SYT1: variants seen among roughly 807,000 people sequenced by gnomAD.
SYT1 encodes synaptotagmin-1.
A neutral mutation model predicts 44.8 loss-of-function variants in SYT1; 8 were observed. The ratio of observed to expected loss-of-function variants is 0.18; its 90% CI spans 0.10 to 0.32. The LOEUF is 0.32. Ranked by LOEUF, SYT1 falls within the 10% of genes least tolerant of loss-of-function variation. The probability of loss-of-function intolerance (pLI) is 1.00; values close to 1 mark genes in which losing one functional copy is unlikely to be tolerated. For synonymous variants in SYT1, 154 were observed against 188.8 expected, an observed-to-expected ratio of 0.82 and a Z score of 1.51; for missense variants, 286 against 509.3, an observed-to-expected ratio of 0.56 and a Z score of 4.22.
At chr12:79,156,487 TTA>T in intron 3 of SYT1, among the ~76,000 whole-genome samples, 1 of 152,046 alleles carries the variant, frequency 6.6e-6, no homozygotes, top group African/African-American at 2.4e-5. Flanking sequence ...GTTGTTGTTG[TTA>T]TGGAGTCTCG....
At chr12:79,230,716 C>A (rs1875819308) in intron 4 of SYT1, among the ~76,000 whole-genome samples, 1 of 152,120 alleles carries the variant, frequency 6.6e-6, no homozygotes, top group Non-Finnish European at 1.5e-5. Context: ...TTTTTATAAA[C>A]TTCCAAAGCA....
intron 3 of SYT1, among the ~76,000 whole-genome samples, chr12:79,165,332 T>G (rs1465128507): frequency 6.6e-6 from 1 of 152,108 alleles, no homozygotes; most frequent in East Asian, 1.9e-4. Context: ...TATTACATAT[T>G]TGTAGCTTGA....
intron 9 of SYT1, among the ~76,000 whole-genome samples, chr12:79,442,014 G>A (rs767563134): frequency 2.3e-4 from 35 of 152,244 alleles, no homozygotes; most frequent in South Asian, 8.3e-4. Context: ...ATCTTGTTGG[G>A]TTTTAATTTG....
intron 1 of SYT1, among the ~76,000 whole-genome samples, chr12:78,945,733 G>A (rs11112002): frequency 0.15 from 23,093 of 151,898 alleles, 2,067 homozygotes; most frequent in East Asian, 0.3. Context: ...TAATATTAAT[G>A]GGAAGTCACT....
intron 3 of SYT1, among the ~76,000 whole-genome samples, chr12:79,141,618 T>C (rs1367952533): frequency 6.6e-6 from 1 of 152,138 alleles, no homozygotes; most frequent in Non-Finnish European, 1.5e-5. Context: ...AGAGGAGTCA[T>C]TGAATAATTA....
chr12:78,883,443 T>C (rs1231186166), intron 1 of SYT1, among the ~76,000 whole-genome samples: 1 of 151,728 alleles, frequency 6.6e-6, no homozygotes, highest in Non-Finnish European at 1.5e-5. Flanking sequence ...TAAGCCTTCA[T>C]GAACTGATAT....
intron 1 of SYT1, among the ~76,000 whole-genome samples, chr12:78,957,254 A>G (rs979355345): frequency 1.3e-5 from 2 of 152,174 alleles, no homozygotes; most frequent in Non-Finnish European, 2.9e-5. Context: ...GGACAGCTTG[A>G]GTCCAGTTGT....
At chr12:78,994,331 G>T (rs1250023031) in intron 2 of SYT1, among the ~76,000 whole-genome samples, 1 of 152,078 alleles carries the variant, frequency 6.6e-6, no homozygotes, top group Non-Finnish European at 1.5e-5. Flanking sequence ...TGTTCCTTCA[G>T]TTTTGAGGAG....
chr12:79,067,490 T>C (rs1875953472), intron 3 of SYT1, among the ~76,000 whole-genome samples: 1 of 152,190 alleles, frequency 6.6e-6, no homozygotes, highest in Non-Finnish European at 1.5e-5. Flanking sequence ...GCTTTTCTTT[T>C]TTTAACATTT....
chr12:79,002,863 A>G (rs1870832921), intron 2 of SYT1, among the ~76,000 whole-genome samples: 1 of 152,052 alleles, frequency 6.6e-6, no homozygotes, highest in Non-Finnish European at 1.5e-5. Flanking sequence ...AATATGTGTT[A>G]TATTAAGATC....
chr12:78,931,220 A>G (rs1378220427), intron 1 of SYT1, among the ~76,000 whole-genome samples: 4 of 59,094 alleles, frequency 6.8e-5, no homozygotes, highest in East Asian at 7.9e-4. Context: ...AGAAAGAAAG[A>G]AAGAAAGAAA....
intron 1 of SYT1, among the ~76,000 whole-genome samples, chr12:78,904,428 T>C (rs1295223731): frequency 6.6e-6 from 1 of 152,154 alleles, no homozygotes; most frequent in Non-Finnish European, 1.5e-5. Context: ...AAAAAAATAA[T>C]GTACTGGATC....
intron 1 of SYT1, among the ~76,000 whole-genome samples, chr12:78,975,639 T>C (rs1868771086): frequency 6.6e-6 from 1 of 152,222 alleles, no homozygotes; most frequent in South Asian, 2.1e-4. Context: ...ACTTGAAGTC[T>C]GCTGTGCTTG....
At chr12:79,267,038 C>T (rs571151368) in intron 4 of SYT1, among the ~76,000 whole-genome samples, 1 of 152,220 alleles carries the variant, frequency 6.6e-6, no homozygotes, top group South Asian at 2.1e-4. Flanking sequence ...CAAATCTTTC[C>T]AAGTTACAGA....
At chr12:78,928,657 A>G (rs1877440725) in intron 1 of SYT1, among the ~76,000 whole-genome samples, 1 of 152,058 alleles carries the variant, frequency 6.6e-6, no homozygotes, top group African/African-American at 2.4e-5. Context: ...CATCACAGAG[A>G]CGGATACTAA....
In SYT1 at chr12:79,179,278, A is replaced by T. The variant is rs1872236081; in HGVS notation, c.-17-38225A>T. ...TAGATATAGATATATAGATATAGAT[A>T]TAGATATATAGATACAGATTTAGAT... On this transcript the variant is annotated intron_variant, in intron 3 of 10. Coordinates refer to ENST00000261205, the MANE Select transcript of SYT1 (RefSeq NM_005639.3). Among the ~76,000 whole-genome samples the T allele has an allele frequency of 1.4e-4, 17 of 125,074 alleles. 3 individuals carry two copies. The highest frequency in any genetic ancestry group is 5.0e-4 in the African/African-American group (16 of 32,220). 82.1% of individuals were successfully genotyped at this position (125,074 alleles called of 152,430 possible). A position where few individuals can be genotyped will look rare whatever the true frequency, so the allele number is the denominator to read the frequency against.
intron 3 of SYT1, among the ~76,000 whole-genome samples, chr12:79,115,145 C>T (rs968727060): frequency 2.0e-5 from 3 of 152,122 alleles, no homozygotes; most frequent in African/African-American, 7.2e-5. Context: ...TGTAGAACAA[C>T]ATACTCCCCA....
chr12:78,965,948 G>T (rs1324612318), intron 1 of SYT1, among the ~76,000 whole-genome samples: 1 of 151,740 alleles, frequency 6.6e-6, no homozygotes, highest in Non-Finnish European at 1.5e-5. Context: ...ACGGTGGCAG[G>T]CGCCTGTAAT....
intron 1 of SYT1, among the ~76,000 whole-genome samples, chr12:78,872,659 T>C (rs1008185862): frequency 7.2e-5 from 11 of 151,780 alleles, no homozygotes; most frequent in African/African-American, 1.7e-4. Context: ...TTTTTGTATC[T>C]TAATTAAATA....
Sources: allele counts gnomAD v4.1 joint callset (sites outside exome capture counted in the v4.1 genomes callset), GRCh38; gene constraint gnomAD v4.1.1; transcripts MANE v1.5; gene names NCBI Gene and HGNC (gene_info 2026-07-23, HGNC 2026-07-21).